ALMS1: variants seen among roughly 807,000 people sequenced by gnomAD.
ALMS1 encodes the protein ALMS1 centrosome and basal body associated protein, also known as centrosome-associated protein ALMS1.
Under a neutral mutation model 352.2 loss-of-function variants are expected in ALMS1, and 271 were observed. That is an observed-to-expected ratio of 0.77 (90% CI 0.70 to 0.85). ALMS1 has a LOEUF of 0.85. Ranked by LOEUF, ALMS1 falls within the 40% of genes least tolerant of loss-of-function variation. The probability of loss-of-function intolerance (pLI) is 0.00; values close to 1 mark genes in which losing one functional copy is unlikely to be tolerated. For missense variants in ALMS1, 5,445 were observed against 4,870.7 expected (o/e 1.12, Z -3.51); for synonymous variants, 1,865 against 1,761.2 (o/e 1.06, Z -1.48).
intron 10 of ALMS1, among the ~76,000 whole-genome samples, chr2:73,502,635 C>T (rs1673240532): frequency 6.6e-6 from 1 of 152,052 alleles, no homozygotes; most frequent in African/African-American, 2.4e-5. Flanking sequence ...GATGTTTTTC[C>T]TGATCTATGG....
intron 13 of ALMS1, among the ~76,000 whole-genome samples, chr2:73,553,033 A>G (rs1354696965): frequency 6.6e-6 from 1 of 152,230 alleles, no homozygotes; most frequent in Non-Finnish European, 1.5e-5. Context: ...TCAGAACTGA[A>G]AGATGTGAGT....
intron 15 of ALMS1, among the ~76,000 whole-genome samples, chr2:73,560,647 A>C (rs1343728901): frequency 6.6e-6 from 1 of 152,214 alleles, no homozygotes; most frequent in Non-Finnish European, 1.5e-5. Context: ...AGCAACCCAC[A>C]TGTCCATCAA....
At chr2:73,541,943 G>A (rs1465388837) in intron 12 of ALMS1, among the ~76,000 whole-genome samples, 1 of 152,154 alleles carries the variant, frequency 6.6e-6, no homozygotes, top group East Asian at 1.9e-4. Context: ...AGAGGTACAA[G>A]GAGGAGCTGG....
intron 7 of ALMS1, among the ~76,000 whole-genome samples, chr2:73,446,425 TTTC>T (rs1392392868): frequency 6.6e-6 from 1 of 152,222 alleles, no homozygotes; most frequent in Non-Finnish European, 1.5e-5. Flanking sequence ...CACAAAAACT[TTTC>T]TTATTTTCTT....
chr2:73,466,503 AG>A (rs1672348700), intron 9 of ALMS1, among the ~76,000 whole-genome samples: 1 of 16,552 alleles, frequency 6.0e-5, no homozygotes, highest in Admixed American at 7.0e-4. Context: ...GGGAGGGGGG[AG>A]GGGGGAGGGA....
intron 10 of ALMS1, among the ~76,000 whole-genome samples, chr2:73,516,806 T>C (rs1412476196): frequency 2.0e-5 from 3 of 152,222 alleles, no homozygotes; most frequent in Non-Finnish European, 2.9e-5. Context: ...GGGTTGGCCC[T>C]TCTGACTTTT....
intron 1 of ALMS1, among the ~76,000 whole-genome samples, chr2:73,397,542 A>T (rs148162952): frequency 6.6e-5 from 10 of 152,198 alleles, no homozygotes; most frequent in Non-Finnish European, 1.0e-4. Flanking sequence ...ATCTTGGCTC[A>T]CTGCAACCTC....
intron 9 of ALMS1, among the ~76,000 whole-genome samples, chr2:73,477,787 A>G (rs1329681713): frequency 6.6e-6 from 1 of 152,154 alleles, no homozygotes; most frequent in Non-Finnish European, 1.5e-5. Context: ...TTGCTAGTGT[A>G]TTAAAATACA....
intron 1 of ALMS1, among the ~76,000 whole-genome samples, chr2:73,394,362 T>C (rs903924187): frequency 2.6e-5 from 4 of 151,814 alleles, no homozygotes; most frequent in Non-Finnish European, 1.5e-5. Flanking sequence ...ATCTGGTCCT[T>C]TTTTTTGTTG....
chr2:73,397,498 G>A (rs749735710), intron 1 of ALMS1, among the ~76,000 whole-genome samples: 33 of 151,400 alleles, frequency 2.2e-4, no homozygotes, highest in Admixed American at 9.9e-4. Flanking sequence ...ATGGTGTTTC[G>A]CTCTTGTTGC....
chr2:73,569,955 C>T (rs142316565), intron 15 of ALMS1, among the ~76,000 whole-genome samples: 1 of 152,184 alleles, frequency 6.6e-6, no homozygotes, highest in African/African-American at 2.4e-5. Context: ...TTTAAAAAGA[C>T]TACTTTGACC....
At chr2:73,458,826 C>T (rs112308762) in intron 9 of ALMS1, 7 of 152,168 alleles carry the variant, frequency 4.6e-5, no homozygotes, top group African/African-American at 1.7e-4. Context: ...TAGTAAATGC[C>T]TCCCAAAGAG....
At chr2:73,461,994 G>T (rs1252448589) in intron 9 of ALMS1, among the ~76,000 whole-genome samples, 1 of 151,988 alleles carries the variant, frequency 6.6e-6, no homozygotes, top group East Asian at 1.9e-4. Context: ...GTACCTGAAA[G>T]TGACAGGGAG....
rs745322502 is a variant in ALMS1 at position 73,559,084 on chromosome 2, G to C, written c.10326G>C (p.Lys3442Asn). ...AGAAAGAGGAGATCCATAGGAAGAA[G>C]ACAGTTCCCGAGGAAGCCTGGCCAA... ...ITQKEEIHRK[K>N]TVPEEAWPNN... Residue 3442 changes from lysine (K) to asparagine (N), a missense_variant, in exon 15 of 23, where the codon AAG (lysine) becomes AAC (asparagine). Transcript: ENST00000613296. 6.8e-6 allele frequency: 11 copies of C among 1,613,844 alleles called. 1 individual carries two copies. The East Asian group carries it at 2.0e-4, about 29-fold the overall frequency.
intron 11 of ALMS1, among the ~76,000 whole-genome samples, chr2:73,521,842 A>G (rs1411319492): frequency 6.6e-6 from 1 of 152,220 alleles, no homozygotes; most frequent in African/African-American, 2.4e-5. Context: ...TAAACTTTTT[A>G]TCAAAGAATC....
chr2:73,387,711 G>T (rs1297185686), intron 1 of ALMS1, among the ~76,000 whole-genome samples: 2 of 152,146 alleles, frequency 1.3e-5, no homozygotes, highest in East Asian at 3.9e-4. Flanking sequence ...GATAAGTTAG[G>T]TGTTTCAGAA....
intron 9 of ALMS1, among the ~76,000 whole-genome samples, chr2:73,460,350 A>G (rs1426493402): frequency 1.3e-5 from 2 of 152,226 alleles, no homozygotes; most frequent in African/African-American, 4.8e-5. Context: ...AAAATAAATT[A>G]TATCTATCTA....
intron 1 of ALMS1, among the ~76,000 whole-genome samples, chr2:73,399,994 G>T (rs1670841700): frequency 1.4e-5 from 2 of 146,836 alleles, no homozygotes; most frequent in South Asian, 4.3e-4. Context: ...CTAGAGTGCA[G>T]TGTTGCCATC....
At chr2:73,469,553 CAG>C (rs1025466378) in intron 9 of ALMS1, 3 of 151,766 alleles carry the variant, frequency 2.0e-5, no homozygotes, top group East Asian at 1.9e-4. Flanking sequence ...TATAATTAAA[CAG>C]AAGCGTGTAA....
Sources: allele counts gnomAD v4.1 joint callset (sites outside exome capture counted in the v4.1 genomes callset), GRCh38; gene constraint gnomAD v4.1.1; transcripts MANE v1.5; gene names NCBI Gene and HGNC (gene_info 2026-07-23, HGNC 2026-07-21).